Variants in SUFU observed in about 807,000 individuals in gnomAD.
The protein encoded by SUFU is suppressor of fused homolog.
Under a neutral mutation model 58.9 loss-of-function variants are expected in SUFU, and 7 were observed. The observed-to-expected ratio is 0.12, with a 90% CI of 0.07 to 0.22. SUFU has a LOEUF of 0.22. Among genes scored for constraint, SUFU ranks in the 10% least tolerant of loss-of-function variants. The pLI is 1.00. For missense variants in SUFU, 451 were observed against 641.3 expected (o/e 0.70, Z 3.20); for synonymous variants, 232 against 254.8 (o/e 0.91, Z 0.85).
chr10:102,624,912 T>G (rs1157707674), intron 10 of SUFU, among the ~76,000 whole-genome samples: 1 of 152,204 alleles, frequency 6.6e-6, no homozygotes, highest in Admixed American at 6.5e-5. Context: ...CCCACATCTA[T>G]TTACTGATCT....
At chr10:102,556,390 G>C (rs1023234152) in intron 3 of SUFU, among the ~76,000 whole-genome samples, 1 of 152,192 alleles carries the variant, frequency 6.6e-6, no homozygotes, top group Non-Finnish European at 1.5e-5. Flanking sequence ...GGCAGTGAAG[G>C]CTTCCAGATA....
At chr10:102,549,174 C>T (rs146446856) in intron 2 of SUFU, among the ~76,000 whole-genome samples, 21 of 152,270 alleles carry the variant, frequency 1.4e-4, no homozygotes, top group African/African-American at 4.8e-4. Flanking sequence ...GGGTCTCATC[C>T]TCACAGAGTG....
intron 3 of SUFU, among the ~76,000 whole-genome samples, chr10:102,575,949 C>T (rs1258583305): frequency 1.3e-5 from 2 of 151,988 alleles, no homozygotes; most frequent in Non-Finnish European, 2.9e-5. Flanking sequence ...GTGATCCTCC[C>T]ACCTTAGCCT....
At chr10:102,578,954 G>C (rs1336455273) in intron 3 of SUFU, among the ~76,000 whole-genome samples, 3 of 152,084 alleles carry the variant, frequency 2.0e-5, no homozygotes, top group Non-Finnish European at 4.4e-5. Context: ...GTGAAGGAGA[G>C]AGGAACAAGG....
intron 2 of SUFU, among the ~76,000 whole-genome samples, chr10:102,522,970 TCTC>T (rs2062568475): frequency 6.6e-6 from 1 of 152,072 alleles, no homozygotes; most frequent in Admixed American, 6.6e-5. Flanking sequence ...TGCCTCTTTG[TCTC>T]CTCTTCAGCA....
At chr10:102,539,442 G>A (rs978156476) in intron 2 of SUFU, among the ~76,000 whole-genome samples, 1 of 150,706 alleles carries the variant, frequency 6.6e-6, no homozygotes, top group Non-Finnish European at 1.5e-5. Flanking sequence ...TGATTGTTTG[G>A]TTAAGGTGGT....
At chr10:102,517,777 C>T (rs1053381752) in intron 2 of SUFU, among the ~76,000 whole-genome samples, 8 of 152,302 alleles carry the variant, frequency 5.3e-5, no homozygotes, top group African/African-American at 9.6e-5. Context: ...TATCCTCACC[C>T]GTCCAACTAA....
At chr10:102,587,978 T>G (rs2063351837) in intron 3 of SUFU, among the ~76,000 whole-genome samples, 1 of 152,218 alleles carries the variant, frequency 6.6e-6, no homozygotes, top group Non-Finnish European at 1.5e-5. Context: ...TGAATTGACT[T>G]TTGTTTGTGA....
intron 9 of SUFU, among the ~76,000 whole-genome samples, chr10:102,616,653 C>T (rs2063689727): frequency 1.3e-5 from 2 of 152,254 alleles, no homozygotes; most frequent in African/African-American, 4.8e-5. Flanking sequence ...CCTGCCTGCC[C>T]CTCCCCCAGG....
At chr10:102,597,012 C>A in intron 6 of SUFU, 128 bp from the exon 7 acceptor site, 1 of 1,118,138 alleles carries the variant, frequency 8.9e-7, no homozygotes, top group Non-Finnish European at 1.3e-6. Flanking sequence ...TCCTGCTCTC[C>A]AGCATTTGTC....
At chr10:102,532,153 AAAC>A (rs2062684390) in intron 2 of SUFU, among the ~76,000 whole-genome samples, 1 of 151,950 alleles carries the variant, frequency 6.6e-6, no homozygotes, top group South Asian at 2.1e-4. Context: ...TTTTTGGTAG[AAAC>A]AGGGTTTCAC....
chr10:102,624,890 A>G (rs1041387485), intron 10 of SUFU, among the ~76,000 whole-genome samples: 2 of 151,870 alleles, frequency 1.3e-5, no homozygotes, highest in Non-Finnish European at 2.9e-5. Context: ...CACCCCCAGC[A>G]CTTGTTATAG....
At chr10:102,514,587 C>T (rs1037013802) in intron 2 of SUFU, among the ~76,000 whole-genome samples, 2 of 152,206 alleles carry the variant, frequency 1.3e-5, no homozygotes, top group Non-Finnish European at 2.9e-5. Flanking sequence ...TCCCAACTGA[C>T]CTGAGTGGAG....
intron 9 of SUFU, among the ~76,000 whole-genome samples, chr10:102,615,893 A>T (rs1214379649): frequency 6.6e-6 from 1 of 152,076 alleles, no homozygotes; most frequent in African/African-American, 2.4e-5. Context: ...CTCGTTCGCA[A>T]GTTCTGGAGT....
chr10:102,602,172 G>A (rs2063520092), intron 8 of SUFU, among the ~76,000 whole-genome samples: 1 of 152,170 alleles, frequency 6.6e-6, no homozygotes, highest in South Asian at 2.1e-4. Flanking sequence ...TAGCCATCCT[G>A]TGGTCGATAA....
chr10:102,513,554 A>G (rs2062427137), intron 2 of SUFU, among the ~76,000 whole-genome samples: 1 of 152,256 alleles, frequency 6.6e-6, no homozygotes, highest in Non-Finnish European at 1.5e-5. Context: ...AGATGGTTAT[A>G]ATATTGAGTA....
chr10:102,601,229 C>A (rs1479932089), intron 8 of SUFU, among the ~76,000 whole-genome samples: 3 of 152,218 alleles, frequency 2.0e-5, no homozygotes, highest in Non-Finnish European at 4.4e-5. Flanking sequence ...TGAGATCTCA[C>A]TCCCTGGCTT....
intron 3 of SUFU, among the ~76,000 whole-genome samples, chr10:102,575,369 C>A (rs1428193083): frequency 6.6e-6 from 1 of 152,170 alleles, no homozygotes; most frequent in East Asian, 1.9e-4. Context: ...TTATTTCTTA[C>A]AGTTATGGAG....
chr10:102,597,426 C>A, intron 7 of SUFU, 133 bp downstream of exon 7: 1 of 1,226,920 alleles, frequency 8.2e-7, no homozygotes, highest in Non-Finnish European at 1.1e-6. Flanking sequence ...ATGATTTAAA[C>A]AGCAAGTGAA....
Sources: gnomAD v4.1 joint callset for allele counts (sites outside exome capture counted in the v4.1 genomes callset) on GRCh38, gnomAD v4.1.1 for gene constraint, MANE v1.5 for transcripts, NCBI Gene and HGNC (gene_info 2026-07-23, HGNC 2026-07-21) for gene names.